Variants in IQGAP2 observed in about 807,000 individuals in gnomAD.
IQGAP2 encodes IQ motif containing GTPase activating protein 2, also known as ras GTPase-activating-like protein IQGAP2.
A neutral mutation model predicts 201.3 loss-of-function variants in IQGAP2; 173 were observed. The observed-to-expected ratio is 0.86, with a 90% confidence interval of 0.76 to 0.98. The LOEUF is 0.98. Ranked by LOEUF, IQGAP2 falls within the 50% of genes least tolerant of loss-of-function variation. The pLI is 0.00. For missense variants in IQGAP2, 1,687 were observed against 1,864.8 expected (o/e 0.90, Z 1.76); for synonymous variants, 675 against 673.9 (o/e 1.00, Z -0.03).
intron 1 of IQGAP2, among the ~76,000 whole-genome samples, chr5:76,431,968 T>TA (rs1752394531): frequency 6.6e-6 from 1 of 151,978 alleles, no homozygotes; most frequent in African/African-American, 2.4e-5. Flanking sequence ...AGGGTAGACA[T>TA]ACTCATGTTG....
rs1235016120 is a variant in IQGAP2, at chr5:76,404,166, A to AC, written c.46+581dup. On this transcript the variant is annotated intron_variant, in intron 1 of 35. Transcript: ENST00000274364. ...CAGGTGTAAGTCCCTCCCCTCTGAA[A>AC]CCCCCCAACCCCTTTCCCCCCCGCT... Among the ~76,000 whole-genome samples, 8 of 151,302 alleles carry AC rather than the reference A, an allele frequency of 5.3e-5. No homozygotes were observed. The South Asian group carries it at 1.7e-3, about 32-fold the overall frequency.
intron 28 of IQGAP2, among the ~76,000 whole-genome samples, chr5:76,681,532 TA>T (rs35266891): frequency 0.19 from 27,177 of 141,702 alleles, 2,676 homozygotes; most frequent in African/African-American, 0.28. Flanking sequence ...TATCAAAATT[TA>T]AAAAAAAAAA....
At chr5:76,426,591 C>CT (rs1752012509) in intron 1 of IQGAP2, among the ~76,000 whole-genome samples, 1 of 152,202 alleles carries the variant, frequency 6.6e-6, no homozygotes, top group Admixed American at 6.5e-5. Flanking sequence ...TGTTCCTTTT[C>CT]TTTGCATTTC....
At chr5:76,451,195 C>T (rs540653772) in intron 1 of IQGAP2, among the ~76,000 whole-genome samples, 22 of 152,288 alleles carry the variant, frequency 1.4e-4, no homozygotes, top group Non-Finnish European at 2.8e-4. Context: ...CTTGTTTCCA[C>T]CTCCACCATC....
intron 2 of IQGAP2, among the ~76,000 whole-genome samples, chr5:76,529,583 G>A (rs1157851914): frequency 2.0e-5 from 3 of 151,096 alleles, no homozygotes; most frequent in Non-Finnish European, 4.4e-5. Flanking sequence ...AGCCGAGATC[G>A]CGCCACTGCA....
intron 1 of IQGAP2, among the ~76,000 whole-genome samples, chr5:76,405,287 G>C (rs1750732346): frequency 6.6e-6 from 1 of 152,188 alleles, no homozygotes; most frequent in African/African-American, 2.4e-5. Context: ...GCTATCAAGG[G>C]AGTCCAGATC....
At chr5:76,587,367 CTGTGTCTA>C (rs1746320585) in intron 5 of IQGAP2, among the ~76,000 whole-genome samples, 1 of 77,824 alleles carries the variant, frequency 1.3e-5, no homozygotes, top group Non-Finnish European at 2.9e-5. Flanking sequence ...AAAGATGTGT[CTGTGTCTA>C]TATGTAAGTA....
intron 5 of IQGAP2, among the ~76,000 whole-genome samples, chr5:76,586,833 C>T (rs114993561): frequency 1.3e-5 from 2 of 152,202 alleles, no homozygotes; most frequent in Non-Finnish European, 2.9e-5. Flanking sequence ...GTCCATACAA[C>T]CATCTGGAAG....
At chr5:76,643,232 A>G (rs546317806) in intron 17 of IQGAP2, among the ~76,000 whole-genome samples, 1 of 152,374 alleles carries the variant, frequency 6.6e-6, no homozygotes, top group East Asian at 1.9e-4. Context: ...AAATGAAAAG[A>G]CAGCTGACAG....
intron 11 of IQGAP2, among the ~76,000 whole-genome samples, chr5:76,604,532 A>G (rs566716801): frequency 1.1e-4 from 16 of 151,922 alleles, no homozygotes; most frequent in Admixed American, 3.9e-4. Context: ...CTTTTCCTTT[A>G]TAGCTTGTTT....
chr5:76,639,669 G>A (rs1751413251), intron 16 of IQGAP2, among the ~76,000 whole-genome samples: 1 of 152,134 alleles, frequency 6.6e-6, no homozygotes, highest in Non-Finnish European at 1.5e-5. Context: ...CAAAGATATC[G>A]CAGTGTGGCA....
rs539174672 is a variant in IQGAP2 at position 76,628,859 on chromosome 5, A to G, written c.1612+1359A>G. ...AATGAAGTGGAGGTGTGTATATAAG[A>G]AATTTCAACTTAAATATAAAACTGA... On this transcript the variant is annotated intron_variant, in intron 14 of 35. Transcript: ENST00000274364. 6 of 330,108 alleles carry G rather than the reference A, an allele frequency of 1.8e-5. No homozygotes were observed. In the Admixed American group the frequency reaches 2.2e-4, roughly 12 times the overall value. 20.4% of individuals were successfully genotyped at this position (330,108 alleles called of 1,614,324 possible). A position where few individuals can be genotyped will look rare whatever the true frequency, so the allele number is the denominator to read the frequency against.
intron 2 of IQGAP2, among the ~76,000 whole-genome samples, chr5:76,473,011 T>A (rs1271147469): frequency 6.6e-6 from 1 of 152,210 alleles, no homozygotes; most frequent in Non-Finnish European, 1.5e-5. Context: ...CCCCATTTGA[T>A]AGATGGAAAA....
chr5:76,677,241 A>G lies in IQGAP2; in HGVS notation c.3551A>G (p.Asn1184Ser), dbSNP rs10454915. 0.01 allele frequency: 16,840 copies of G among 1,613,398 alleles called. 103 individuals carry two copies. Among genetic ancestry groups the G allele is most frequent in the Non-Finnish European group, 0.012 (14,557 of 1,179,516 alleles). The stretch of plus-strand genomic sequence containing the variant: ...AGGAAATATTTCAAAGAAGCATGTA[A>G]TGTCCCTGAGCCAGAAGAGAAGTTT... Reference protein sequence around the residue: ...EFRKYFKEACNVPEPEEKFNM... With the variant: ...EFRKYFKEACSVPEPEEKFNM... The change falls in exon 28 of 36, where the codon AAT (asparagine) becomes AGT (serine). Residue 1184 changes from asparagine to serine, a missense_variant. Transcript: ENST00000274364.
intron 13 of IQGAP2, among the ~76,000 whole-genome samples, chr5:76,611,956 T>C (rs1748448797): frequency 1.3e-5 from 2 of 152,168 alleles, no homozygotes; most frequent in African/African-American, 4.8e-5. Flanking sequence ...GGTCATCTCC[T>C]CTGTCTAGGT....
intron 11 of IQGAP2, among the ~76,000 whole-genome samples, chr5:76,602,054 C>T (rs1747463463): frequency 6.6e-6 from 1 of 152,160 alleles, no homozygotes; most frequent in Non-Finnish European, 1.5e-5. Flanking sequence ...TTTCCCTCTG[C>T]CCTCAGCCGG....
At chr5:76,532,548 T>TGTGGTCATA (rs1174491808) in intron 2 of IQGAP2, among the ~76,000 whole-genome samples, 48 of 152,086 alleles carry the variant, frequency 3.2e-4, no homozygotes, top group Non-Finnish European at 1.0e-4. Flanking sequence ...CAGCCTCCTA[T>TGTGGTCATA]CCTGTAGGCG....
At chr5:76,572,741 A>C (rs1472121278) in intron 4 of IQGAP2, among the ~76,000 whole-genome samples, 1 of 152,112 alleles carries the variant, frequency 6.6e-6, no homozygotes, top group East Asian at 1.9e-4. Flanking sequence ...CCTGGCCTGT[A>C]CAGCTATTTT....
At chr5:76,551,021 C>A (rs536913822) in intron 2 of IQGAP2, among the ~76,000 whole-genome samples, 1 of 151,470 alleles carries the variant, frequency 6.6e-6, no homozygotes, top group African/African-American at 2.4e-5. Context: ...GGTGGCTGGC[C>A]GGGCAGAGAG....
Sources: gnomAD v4.1 joint callset for allele counts (sites outside exome capture counted in the v4.1 genomes callset) on GRCh38, gnomAD v4.1.1 for gene constraint, MANE v1.5 for transcripts, NCBI Gene and HGNC (gene_info 2026-07-23, HGNC 2026-07-21) for gene names.